The following SLC1A7 variants were observed in gnomAD, a reference collection of about 807,000 sequenced individuals.
The protein encoded by SLC1A7 is solute carrier family 1 member 7.
A neutral mutation model predicts 47.7 loss-of-function variants in SLC1A7; 40 were observed. That is an observed-to-expected ratio of 0.84 (90% CI 0.65 to 1.09). The LOEUF is 1.09. Ranked by LOEUF, SLC1A7 falls within the 50% of genes least tolerant of loss-of-function variation. SLC1A7 has a pLI of 0.00. For synonymous variants in SLC1A7, 323 were observed against 325.6 expected (o/e 0.99, Z 0.09); for missense variants, 746 against 769.5 (o/e 0.97, Z 0.36).
Position 53,093,527 on chromosome 1 carries a change from G to A in SLC1A7, c.731C>T (p.Ala244Val), listed in dbSNP as rs756327755. 16 of 1,608,948 alleles carry A rather than the reference G, an allele frequency of 9.9e-6. No homozygotes were observed. Among genetic ancestry groups the A allele is most frequent in the Admixed American group, 3.3e-5 (2 of 59,910 alleles). Residue 244 changes from alanine to valine, a missense_variant, in exon 6 of 11, where the codon GCC becomes GTC. Coordinates refer to ENST00000371494, the MANE Select transcript of SLC1A7 (RefSeq NM_006671.6). ...GCACTGGCAGAAGCTGACCAGGGGG[G>A]CCCCGCTGTCACCCATGCGGCCCAG... is the stretch of plus-strand genomic sequence containing the variant. ...IMLGRMGDSGAPLVSFCQCLN... is the reference protein window; with the variant it reads ...IMLGRMGDSGVPLVSFCQCLN...
intron 5 of SLC1A7, among the ~76,000 whole-genome samples, chr1:53,096,016 C>T (rs1019335006): frequency 6.6e-6 from 1 of 151,062 alleles, no homozygotes; most frequent in Non-Finnish European, 1.5e-5. Context: ...TACACTCACT[C>T]CACCTCAGTA....
chr1:53,093,217 C>T (rs1255975174), intron 6 of SLC1A7, among the ~76,000 whole-genome samples: 2 of 152,172 alleles, frequency 1.3e-5, no homozygotes, highest in African/African-American at 4.8e-5. Flanking sequence ...AAACTGAGCC[C>T]AGGAGAGCAG....
chr1:53,116,858 A>C (rs528060692), intron 2 of SLC1A7, among the ~76,000 whole-genome samples: 4 of 152,028 alleles, frequency 2.6e-5, no homozygotes, highest in Admixed American at 6.6e-5. Context: ...GCACATGCCC[A>C]CTCCGTGCCA....
chr1:53,125,284 C>CTTATTT (rs1390264368), intron 2 of SLC1A7, among the ~76,000 whole-genome samples: 1 of 152,186 alleles, frequency 6.6e-6, no homozygotes, highest in African/African-American at 2.4e-5. Context: ...GCAAGTTCCC[C>CTTATTT]TGCAGGCAAT....
intron 1 of SLC1A7, among the ~76,000 whole-genome samples, chr1:53,136,816 G>A (rs1645005470): frequency 6.6e-6 from 1 of 151,334 alleles, no homozygotes; most frequent in Non-Finnish European, 1.5e-5. Flanking sequence ...ACAGATGTAT[G>A]CCACCAAGCC....
In SLC1A7 at chr1:53,090,693, G is replaced by A. The variant is rs1053364483; in HGVS notation, c.1145C>T (p.Ala382Val). 8.7e-6 allele frequency: 14 copies of A among 1,614,032 alleles called. No homozygotes were observed. The highest frequency in any genetic ancestry group is 1.1e-5 in the Non-Finnish European group (13 of 1,179,974). ...GATGGCGGCCACAGCCTCGTAGAGC[G>A]CAGTGCCGTCCATGTTGATGGTGGC... ...VGATINMDGT[A>V]LYEAVAAIFI... The change falls in exon 8 of 11, where the codon GCG becomes GTG. Residue 382 changes from alanine to valine, a missense_variant. By Grantham distance (64) the Ala-to-Val change is moderately conservative (BLOSUM62 0). Transcript: ENST00000371494.
chr1:53,137,656 G>T (rs78938890), intron 1 of SLC1A7, among the ~76,000 whole-genome samples: 2 of 152,146 alleles, frequency 1.3e-5, no homozygotes, highest in Non-Finnish European at 2.9e-5. Context: ...AAAGTTAATT[G>T]ACTGATTTTT....
intron 2 of SLC1A7, among the ~76,000 whole-genome samples, chr1:53,132,244 C>T (rs1644948770): frequency 1.3e-5 from 2 of 152,154 alleles, no homozygotes; most frequent in African/African-American, 2.4e-5. Flanking sequence ...TCTCAAGATC[C>T]TTCTGGCCAC....
intron 2 of SLC1A7, among the ~76,000 whole-genome samples, chr1:53,133,547 G>A (rs1188709019): frequency 6.7e-6 from 1 of 150,100 alleles, no homozygotes; most frequent in Non-Finnish European, 1.5e-5. Context: ...AGTCCTGGAA[G>A]ATGAAGATTT....
At chr1:53,096,925 C>T (rs572150879) in intron 5 of SLC1A7, among the ~76,000 whole-genome samples, 13 of 150,488 alleles carry the variant, frequency 8.6e-5, no homozygotes, top group African/African-American at 2.9e-4. Context: ...CCTCAGTACA[C>T]TCACATACAC....
intron 6 of SLC1A7, 112 bp from the exon 7 acceptor site, chr1:53,092,899 G>T: frequency 1.8e-6 from 1 of 556,514 alleles, no homozygotes; most frequent in Non-Finnish European, 3.1e-6. Context: ...CTCCTGCGAG[G>T]ACAGAGCGAG....
Position 53,087,828 on chromosome 1 carries a change from A to T in SLC1A7, c.*181T>A, listed in dbSNP as rs1644376074. The T allele has an allele frequency of 5.0e-6, 2 of 402,760 alleles. No homozygotes were observed. Among genetic ancestry groups the T allele is most frequent in the South Asian group, 1.1e-4 (1 of 9,054 alleles). The allele number at this position is 402,760 out of a possible 1,614,324, so 24.9% of individuals were successfully genotyped here. A position where few individuals can be genotyped will look rare whatever the true frequency, so the allele number is the denominator to read the frequency against. ...ATCACTCCCTAGATGGGGCTCCCCC[A>T]TGCAGCCTTTCCCTTCTCTGAGATA... On this transcript the variant is annotated 3_prime_UTR_variant, in exon 11 of 11. Transcript: ENST00000371494.
chr1:53,128,435 C>A (rs749734890), intron 2 of SLC1A7, among the ~76,000 whole-genome samples: 2 of 94,700 alleles, frequency 2.1e-5, no homozygotes, highest in African/African-American at 3.9e-5. Flanking sequence ...TGTGGTCATG[C>A]CACTGCACTC....
intron 2 of SLC1A7, 198 bp from the exon 3 acceptor site, chr1:53,115,171 G>A (rs1572330845): frequency 6.6e-6 from 4 of 606,626 alleles, no homozygotes; most frequent in Non-Finnish European, 8.8e-6. Flanking sequence ...CGGGGCGCAG[G>A]CCACACACAT....
Position 53,100,754 on chromosome 1 carries a change from ACT to A in SLC1A7, c.697+2590_697+2591del, listed in dbSNP as rs577253731. Among the ~76,000 whole-genome samples, 396 of 148,676 alleles carry A rather than the reference ACT, an allele frequency of 2.7e-3. 1 individual carries two copies. Among genetic ancestry groups the A allele is most frequent in the African/African-American group, 9.0e-3 (361 of 40,002 alleles). ...ACACTCACACACATTGCCTTGGTAC[ACT>A]CACACACTGCCTTGGTATACTCACA... On this transcript the variant is annotated intron_variant, in intron 5 of 10. Coordinates refer to ENST00000371494, the MANE Select transcript of SLC1A7 (RefSeq NM_006671.6).
Position 53,142,634 on chromosome 1 carries a change from T to C in SLC1A7, c.-185A>G, listed in dbSNP as rs1194952264. 4 of 578,692 alleles carry C rather than the reference T, an allele frequency of 6.9e-6. No homozygotes were observed. The highest frequency in any genetic ancestry group is 1.2e-5 in the Non-Finnish European group (4 of 336,930). 35.8% of individuals were successfully genotyped at this position (578,692 alleles called of 1,614,324 possible). A position where few individuals can be genotyped will look rare whatever the true frequency, so the allele number is the denominator to read the frequency against. ...GCCTTAGAGGGAAGCCACAATCCTA[T>C]TACCAGCTGCATCATTAGGAGCTGG... is the stretch of plus-strand genomic sequence containing the variant. On this transcript the variant is annotated 5_prime_UTR_variant, in exon 1 of 11. Coordinates refer to ENST00000371494, the MANE Select transcript of SLC1A7 (RefSeq NM_006671.6).
intron 5 of SLC1A7, among the ~76,000 whole-genome samples, chr1:53,101,862 C>T (rs928244176): frequency 1.3e-4 from 20 of 150,772 alleles, no homozygotes; most frequent in Non-Finnish European, 7.4e-5. Context: ...ACGCCCGCCT[C>T]GGTACACTCA....
chr1:53,089,704 A>C, intron 9 of SLC1A7, 96 bp downstream of exon 9: 2 of 1,349,662 alleles, frequency 1.5e-6, no homozygotes, highest in Non-Finnish European at 2.1e-6. Flanking sequence ...CCAGCCTTCT[A>C]CCCTGGGGAA....
At chr1:53,091,292 A>G (rs1280625926) in intron 7 of SLC1A7, among the ~76,000 whole-genome samples, 2 of 152,218 alleles carry the variant, frequency 1.3e-5, no homozygotes, top group African/African-American at 4.8e-5. Context: ...CATGACTATT[A>G]TTATTACTAT....
Sources: gnomAD v4.1 joint callset for allele counts (sites outside exome capture counted in the v4.1 genomes callset) on GRCh38, gnomAD v4.1.1 for gene constraint, MANE v1.5 for transcripts, NCBI Gene and HGNC (gene_info 2026-07-23, HGNC 2026-07-21) for gene names.